The following DAB1 variants were observed in gnomAD, a reference collection of about 807,000 sequenced individuals.
The protein encoded by DAB1 is disabled homolog 1.
A neutral mutation model predicts 64.6 loss-of-function variants in DAB1; 15 were observed. The observed-to-expected ratio is 0.23, with a 90% CI of 0.16 to 0.36. The LOEUF (loss-of-function observed/expected upper bound fraction) is 0.36. Ranked by LOEUF, DAB1 falls within the 10% of genes least tolerant of loss-of-function variation. The pLI, the probability that DAB1 is intolerant of heterozygous loss-of-function variation, is 1.00. For synonymous variants in DAB1, 235 were observed against 251.9 expected (o/e 0.93, Z 0.64); for missense variants, 596 against 706.7 (o/e 0.84, Z 1.78).
At position 57,836,723 on chromosome 1, in the gene DAB1, C is replaced by T. The variant is rs74717930; in HGVS notation, n.88-10268G>A. 1.2e-3 allele frequency among the ~76,000 whole-genome samples: 179 copies of T among 152,260 alleles called. 3 individuals carry two copies. In the East Asian group the frequency reaches 0.032, roughly 27 times the overall value. ...CAATAAACACAGCAAGGGTTATTGCCACACATAATAGCTAACAGAGATCGT... is the reference window on the plus strand; with the variant it reads ...CAATAAACACAGCAAGGGTTATTGCTACACATAATAGCTAACAGAGATCGT... On this transcript the variant is annotated intron_variant and non_coding_transcript_variant, in intron 1 of 1. Coordinates refer to the DAB1 transcript ENST00000477280.
intron 6 of DAB1, among the ~76,000 whole-genome samples, chr1:57,673,138 C>T (rs1192185130): frequency 2.0e-5 from 3 of 152,052 alleles, no homozygotes. Flanking sequence ...GGTGAGGGTC[C>T]ACTTCCTGGT....
intron 1 of DAB1, among the ~76,000 whole-genome samples, chr1:58,532,364 T>C (rs1646446929): frequency 6.6e-6 from 1 of 152,196 alleles, no homozygotes; most frequent in African/African-American, 2.4e-5. Flanking sequence ...CTGAACTAGA[T>C]GCCTAAAAAA....
intron 2 of DAB1, among the ~76,000 whole-genome samples, chr1:57,221,441 T>TAA (rs1432566874): frequency 7.4e-6 from 1 of 134,718 alleles, no homozygotes; most frequent in African/African-American, 3.2e-5. Flanking sequence ...TATGTGGCAT[T>TAA]ACAAAAAAAA....
rs143219665 is a variant in DAB1, at chr1:57,384,950, C to T, written c.-137+38980G>A. ...TATGTCAGATCAGTAAGGATGTACA[C>T]GTAGGATATTTGTAAAGCATGTTAA... On this transcript the variant is annotated intron_variant, in intron 1 of 14. Transcript: ENST00000371236. Among the ~76,000 whole-genome samples, 840 of 152,240 alleles carry T rather than the reference C, an allele frequency of 5.5e-3. 9 individuals carry two copies. The highest frequency in any genetic ancestry group is 0.018 in the African/African-American group (768 of 41,542).
At chr1:58,366,292 C>G (rs1644216786) in intron 3 of DAB1, among the ~76,000 whole-genome samples, 1 of 152,300 alleles carries the variant, frequency 6.6e-6, no homozygotes, top group South Asian at 2.1e-4. Flanking sequence ...GGGATCCCAT[C>G]CATCATCATG....
intron 2 of DAB1, among the ~76,000 whole-genome samples, chr1:57,187,661 T>C (rs561648539): frequency 6.6e-6 from 1 of 152,220 alleles, no homozygotes; most frequent in African/African-American, 2.4e-5. Context: ...TTTATATAAA[T>C]GTTCTTATCT....
At chr1:57,820,374 G>A (rs959715383) in intron 6 of DAB1, among the ~76,000 whole-genome samples, 4 of 152,008 alleles carry the variant, frequency 2.6e-5, no homozygotes, top group African/African-American at 7.2e-5. Flanking sequence ...TCCTTCTTTC[G>A]TAGTTGGGTC....
At chr1:57,392,146 G>A (rs1682430312) in intron 1 of DAB1, among the ~76,000 whole-genome samples, 1 of 152,156 alleles carries the variant, frequency 6.6e-6, no homozygotes, top group Non-Finnish European at 1.5e-5. Flanking sequence ...GGCCAAGGCG[G>A]ACAGATCACA....
intron 9 of DAB1, among the ~76,000 whole-genome samples, chr1:57,053,688 A>AT (rs61374333): frequency 0.031 from 2,186 of 71,360 alleles, 103 homozygotes; most frequent in African/African-American, 0.08. Context: ...ATATATATAT[A>AT]TTTTTTTTTT....
chr1:57,898,850 G>T (rs1644431325), intron 5 of DAB1, among the ~76,000 whole-genome samples: 1 of 152,176 alleles, frequency 6.6e-6, no homozygotes, highest in Admixed American at 6.5e-5. Flanking sequence ...TTGTGTGTGT[G>T]TGTATGTGTG....
At chr1:57,462,063 C>T (rs1686802953) in intron 7 of DAB1, among the ~76,000 whole-genome samples, 1 of 149,460 alleles carries the variant, frequency 6.7e-6, no homozygotes, top group African/African-American at 2.5e-5. Flanking sequence ...AAGCAATTCT[C>T]CTGCCTCAGC....
chr1:57,546,101 GCGCA>G (rs1558480112), intron 7 of DAB1, among the ~76,000 whole-genome samples: 176 of 151,372 alleles, frequency 1.2e-3, no homozygotes, highest in African/African-American at 4.1e-3. Context: ...GTGTGTGTGC[GCGCA>G]CGTGTGCATG....
intron 6 of DAB1, among the ~76,000 whole-genome samples, chr1:57,699,000 T>A (rs1338246530): frequency 6.6e-6 from 1 of 152,208 alleles, no homozygotes; most frequent in Non-Finnish European, 1.5e-5. Flanking sequence ...TGCAATGGCA[T>A]GATCATTGCT....
intron 3 of DAB1, among the ~76,000 whole-genome samples, chr1:58,490,556 G>C (rs1261429334): frequency 1.3e-5 from 2 of 152,072 alleles, no homozygotes; most frequent in East Asian, 3.9e-4. Context: ...AATCTAGCAA[G>C]GCAGGCCAAC....
chr1:58,407,875 G>A (rs1644631153), intron 3 of DAB1, among the ~76,000 whole-genome samples: 1 of 152,054 alleles, frequency 6.6e-6, no homozygotes, highest in South Asian at 2.1e-4. Flanking sequence ...GCTTCCCACT[G>A]CCCTTCAAAG....
At chr1:57,617,798 G>A (rs935915292) in intron 7 of DAB1, among the ~76,000 whole-genome samples, 10 of 152,190 alleles carry the variant, frequency 6.6e-5, no homozygotes, top group Non-Finnish European at 1.5e-4. Context: ...ACCTGTGCTT[G>A]TTTGCTCATT....
chr1:57,888,798 T>A (rs910104483), upstream of DAB1, among the ~76,000 whole-genome samples: 1 of 152,198 alleles, frequency 6.6e-6, no homozygotes, highest in Non-Finnish European at 1.5e-5. Flanking sequence ...AAAAAATATA[T>A]AAATTAAATT....
intron 4 of DAB1, among the ~76,000 whole-genome samples, chr1:57,134,412 C>T (rs1657899722): frequency 6.6e-6 from 1 of 151,732 alleles, no homozygotes. Context: ...ATGGTGAAAC[C>T]CTGTCTCTAT....
intron 5 of DAB1, among the ~76,000 whole-genome samples, chr1:58,116,560 T>C (rs1281685599): frequency 6.6e-6 from 1 of 152,222 alleles, no homozygotes; most frequent in Admixed American, 6.5e-5. Flanking sequence ...ATCTTTTAAA[T>C]AGGATTTGCC....
Sources: allele counts gnomAD v4.1 joint callset (sites outside exome capture counted in the v4.1 genomes callset), GRCh38; gene constraint gnomAD v4.1.1; transcripts MANE v1.5; gene names NCBI Gene and HGNC (gene_info 2026-07-23, HGNC 2026-07-21).